The following LOC128092253 variants were observed in gnomAD, a reference collection of about 807,000 sequenced individuals.
chr6:133,978,694 A>G, the LOC128092253 span, among the ~76,000 whole-genome samples: 1 of 152,232 alleles, frequency 6.6e-6, no homozygotes, highest in African/African-American at 2.4e-5. Flanking sequence ...ATTGATACAC[A>G]GAATTGAATG....
At chr6:133,965,679 C>CA in the LOC128092253 span, among the ~76,000 whole-genome samples, 1 of 151,860 alleles carries the variant, frequency 6.6e-6, no homozygotes, top group East Asian at 1.9e-4. Context: ...ACAGATACAT[C>CA]AAAGTTGTAT....
chr6:133,963,812 C>CA, the LOC128092253 span, among the ~76,000 whole-genome samples: 247 of 149,824 alleles, frequency 1.6e-3, no homozygotes, highest in Non-Finnish European at 2.9e-3. Flanking sequence ...GGGCGGATCA[C>CA]AAGGTCAGGA....
chr6:133,979,436 G>A, the LOC128092253 span, among the ~76,000 whole-genome samples: 660 of 152,246 alleles, frequency 4.3e-3, 3 homozygotes, highest in Non-Finnish European at 4.7e-3. Flanking sequence ...ACCCTTGAAC[G>A]TGGTGCATTT....
At chr6:133,973,637 C>T in the LOC128092253 span, among the ~76,000 whole-genome samples, 19 of 152,076 alleles carry the variant, frequency 1.2e-4, no homozygotes, top group African/African-American at 4.6e-4. Context: ...TTTTGAATAC[C>T]ACTAGAAAGA....
chr6:133,979,012 A>G, the LOC128092253 span, among the ~76,000 whole-genome samples: 4 of 152,204 alleles, frequency 2.6e-5, no homozygotes, highest in African/African-American at 7.2e-5. Flanking sequence ...TAGCTGGGTC[A>G]TGAGTCACGT....
chr6:133,977,740 TAAG>T, the LOC128092253 span, among the ~76,000 whole-genome samples: 1 of 152,106 alleles, frequency 6.6e-6, no homozygotes, highest in East Asian at 1.9e-4. Flanking sequence ...GGTCTAGAAT[TAAG>T]AAGAACAGGG....
the LOC128092253 span, among the ~76,000 whole-genome samples, chr6:133,958,281 C>T: frequency 2.0e-5 from 3 of 152,188 alleles, no homozygotes; most frequent in Non-Finnish European, 2.9e-5. Context: ...CGTTAGAAGG[C>T]ACTATTTTTT....
At chr6:133,958,201 GT>G in the LOC128092253 span, among the ~76,000 whole-genome samples, 1 of 152,158 alleles carries the variant, frequency 6.6e-6, no homozygotes, top group South Asian at 2.1e-4. Context: ...GACTTGACTT[GT>G]TTAGCTGTAT....
the LOC128092253 span, among the ~76,000 whole-genome samples, chr6:133,963,321 G>A: frequency 6.6e-6 from 1 of 152,098 alleles, no homozygotes; most frequent in Non-Finnish European, 1.5e-5. Context: ...GAAACATCTT[G>A]GAAATATTTT....
At chr6:133,960,516 A>G in the LOC128092253 span, among the ~76,000 whole-genome samples, 2 of 151,826 alleles carry the variant, frequency 1.3e-5, no homozygotes. Flanking sequence ...GTACAAAACA[A>G]CTTGGATAAT....
At chr6:133,969,334 T>G in the LOC128092253 span, among the ~76,000 whole-genome samples, 2 of 151,438 alleles carry the variant, frequency 1.3e-5, no homozygotes, top group Admixed American at 1.3e-4. Context: ...AAATAGTACC[T>G]TGTAGCTTTC....
chr6:133,960,037 C>A, the LOC128092253 span, among the ~76,000 whole-genome samples: 2 of 152,126 alleles, frequency 1.3e-5, no homozygotes, highest in African/African-American at 4.8e-5. Flanking sequence ...AGCGTTTTTC[C>A]TCTCACCTAC....
the LOC128092253 span, among the ~76,000 whole-genome samples, chr6:133,971,499 T>G: frequency 6.6e-6 from 1 of 152,194 alleles, no homozygotes; most frequent in Non-Finnish European, 1.5e-5. Flanking sequence ...TACTGTTTTC[T>G]ATAATGGCTA....
At chr6:133,955,209 C>A in the LOC128092253 span, among the ~76,000 whole-genome samples, 1 of 149,454 alleles carries the variant, frequency 6.7e-6, no homozygotes, top group African/African-American at 2.5e-5. Context: ...CTCAGGGCTG[C>A]CATCAGACTC....
chr6:133,956,202 A>G, the LOC128092253 span, among the ~76,000 whole-genome samples: 1 of 152,222 alleles, frequency 6.6e-6, no homozygotes, highest in South Asian at 2.1e-4. Context: ...AGAAGAATTT[A>G]TAGTAGAATG....
chr6:133,974,680 C>T, the LOC128092253 span, among the ~76,000 whole-genome samples: 2 of 152,206 alleles, frequency 1.3e-5, no homozygotes, highest in African/African-American at 4.8e-5. Context: ...CATATATTTA[C>T]ATTTTAAATT....
chr6:133,956,517 T>C, the LOC128092253 span, among the ~76,000 whole-genome samples: 13 of 152,182 alleles, frequency 8.5e-5, no homozygotes, highest in African/African-American at 2.4e-4. Flanking sequence ...GACTTCATCA[T>C]GCCTGCTAAA....
At chr6:133,967,984 A>C in the LOC128092253 span, among the ~76,000 whole-genome samples, 1 of 151,380 alleles carries the variant, frequency 6.6e-6, no homozygotes, top group African/African-American at 2.4e-5. Flanking sequence ...AGCAGTTATC[A>C]CTGTTAGGAT....
At chr6:133,961,160 G>A in the LOC128092253 span, among the ~76,000 whole-genome samples, 1 of 152,136 alleles carries the variant, frequency 6.6e-6, no homozygotes, top group Non-Finnish European at 1.5e-5. Context: ...GATATCTACT[G>A]TTTACACTTA....
Sources: gnomAD v4.1 joint callset for allele counts (sites outside exome capture counted in the v4.1 genomes callset) on GRCh38, gnomAD v4.1.1 for gene constraint, MANE v1.5 for transcripts.